COL15A1: variants seen among roughly 807,000 people sequenced by gnomAD.
The protein encoded by COL15A1 is collagen alpha-1(XV) chain.
COL15A1 carries 111 observed loss-of-function variants against 165.9 expected under a neutral mutation model. That is an observed-to-expected ratio of 0.67 (90% CI 0.57 to 0.78). COL15A1 has a LOEUF of 0.78. Among genes scored for constraint, COL15A1 ranks in the 30% least tolerant of loss-of-function variants. The pLI, the probability that COL15A1 is intolerant of heterozygous loss-of-function variation, is 0.00. For missense variants in COL15A1, 1,745 were observed against 1,789.7 expected (o/e 0.98, Z 0.45); for synonymous variants, 659 against 674.8 (o/e 0.98, Z 0.36).
rs144490681 is a variant in COL15A1 at position 98,951,572 on chromosome 9, T to A, written c.100+7322T>A. On this transcript the variant is annotated intron_variant, in intron 2 of 41. Coordinates refer to ENST00000375001, the MANE Select transcript of COL15A1 (RefSeq NM_001855.5). Reference sequence around the variant, plus strand: ...ATAGGCTAGTGCCATTTTTATTCTATTATTATTTTTTGGGACAGGGTCTTC... The same window carrying A: ...ATAGGCTAGTGCCATTTTTATTCTAATATTATTTTTTGGGACAGGGTCTTC... Among the ~76,000 whole-genome samples, 479 of 152,268 alleles carry A rather than the reference T, an allele frequency of 3.1e-3. 2 individuals carry two copies. The highest frequency in any genetic ancestry group is 0.011 in the African/African-American group (437 of 41,550).
chr9:99,000,981 G>C (rs1333175103), intron 7 of COL15A1, 30 bp downstream of exon 7: 2 of 962,144 alleles, frequency 2.1e-6, no homozygotes, highest in African/African-American at 1.6e-5. Context: ...CATTTGATTA[G>C]TCAGTAGTAG....
intron 13 of COL15A1, among the ~76,000 whole-genome samples, chr9:99,022,708 T>C (rs1476852926): frequency 6.6e-6 from 1 of 152,218 alleles, no homozygotes; most frequent in Non-Finnish European, 1.5e-5. Context: ...TCTGGGTGCC[T>C]CTCAGGGGGT....
At chr9:99,022,488 A>G (rs1839044494) in intron 13 of COL15A1, among the ~76,000 whole-genome samples, 1 of 152,172 alleles carries the variant, frequency 6.6e-6, no homozygotes, top group Non-Finnish European at 1.5e-5. Context: ...AACATCCTTG[A>G]GTGGTCCTCT....
chr9:99,065,301 A>G (rs935393000), intron 39 of COL15A1, among the ~76,000 whole-genome samples: 1 of 152,126 alleles, frequency 6.6e-6, no homozygotes, highest in Non-Finnish European at 1.5e-5. Context: ...TCATTCCATC[A>G]AGGCCTCGTG....
intron 2 of COL15A1, among the ~76,000 whole-genome samples, chr9:98,948,616 A>G (rs1354498256): frequency 2.0e-5 from 3 of 151,224 alleles, no homozygotes; most frequent in Non-Finnish European, 3.0e-5. Flanking sequence ...AAAAAAAAAA[A>G]AGAGACACTT....
At chr9:98,960,700 A>G (rs1837851221) in intron 2 of COL15A1, among the ~76,000 whole-genome samples, 2 of 152,178 alleles carry the variant, frequency 1.3e-5, no homozygotes, top group Non-Finnish European at 2.9e-5. Flanking sequence ...CAGTTTCCTC[A>G]TCTGTAGAGT....
intron 10 of COL15A1, 58 bp downstream of exon 10, chr9:99,015,624 C>A: frequency 1.3e-6 from 2 of 1,531,068 alleles, no homozygotes; most frequent in East Asian, 2.3e-5. Flanking sequence ...CTGCATCATG[C>A]GACAACAGTC....
intron 13 of COL15A1, among the ~76,000 whole-genome samples, 183 bp from the exon 14 acceptor site, chr9:99,023,174 G>A (rs780083654): frequency 6.6e-6 from 1 of 152,172 alleles, no homozygotes; most frequent in Non-Finnish European, 1.5e-5. Context: ...GCTGGGAGGC[G>A]GCAAGAGAGA....
intron 3 of COL15A1, among the ~76,000 whole-genome samples, chr9:98,986,674 A>T (rs139455696): frequency 6.6e-6 from 1 of 152,222 alleles, no homozygotes; most frequent in Non-Finnish European, 1.5e-5. Flanking sequence ...AAGTTATTGT[A>T]GTTACTCATT....
chr9:99,034,612 A>C, intron 17 of COL15A1, 28 bp downstream of exon 17: 1 of 1,428,846 alleles, frequency 7.0e-7, no homozygotes, highest in Non-Finnish European at 9.1e-7. Context: ...AAAAAAAAAA[A>C]AAGAACTTTC....
chr9:99,065,565 G>A (rs1825877826), intron 39 of COL15A1, among the ~76,000 whole-genome samples: 1 of 151,246 alleles, frequency 6.6e-6, no homozygotes, highest in African/African-American at 2.4e-5. Flanking sequence ...GGAATGTAGA[G>A]CATAAAATGC....
intron 13 of COL15A1, among the ~76,000 whole-genome samples, chr9:99,022,843 G>A (rs1839051181): frequency 6.6e-6 from 1 of 152,258 alleles, no homozygotes; most frequent in African/African-American, 2.4e-5. Flanking sequence ...TGCCATTCAA[G>A]TATGCACTGA....
rs747297961 is a variant in COL15A1, at chr9:99,035,334, CT to C, written c.2221-14del. On this transcript the variant is annotated splice_polypyrimidine_tract_variant and intron_variant, in intron 18 of 41. Transcript: ENST00000375001. ...AGGAACTGGATCTGAAATTCTCATTCTTGCTCCTTCCCCAGGATACCGAAGG... is the reference window on the plus strand; with the variant it reads ...AGGAACTGGATCTGAAATTCTCATTCTGCTCCTTCCCCAGGATACCGAAGG... 45 of 1,614,058 alleles carry C rather than the reference CT, an allele frequency of 2.8e-5. No homozygotes were observed. Among genetic ancestry groups the C allele is most frequent in the Non-Finnish European group, 3.7e-5 (44 of 1,180,034 alleles).
At chr9:98,944,348 T>A in intron 2 of COL15A1, 98 bp downstream of exon 2, 23 of 1,237,320 alleles carry the variant, frequency 1.9e-5, no homozygotes, top group Non-Finnish European at 2.6e-5. Flanking sequence ...GCCTCATTCC[T>A]GGACATAAAA....
At chr9:99,062,340 A>G (rs568343627) in intron 38 of COL15A1, 36 bp downstream of exon 38, 2 of 1,454,454 alleles carry the variant, frequency 1.4e-6, no homozygotes, top group South Asian at 2.3e-5. Context: ...TCATGCATTC[A>G]TTTATCAGCA....
chr9:99,006,852 G>A (rs1838771185), intron 9 of COL15A1, among the ~76,000 whole-genome samples: 1 of 152,210 alleles, frequency 6.6e-6, no homozygotes. Context: ...CCTAGTTACT[G>A]GAGGTGTATC....
chr9:98,944,298 G>T, intron 2 of COL15A1, 48 bp downstream of exon 2: 3 of 1,579,862 alleles, frequency 1.9e-6, no homozygotes, highest in East Asian at 2.3e-5. Flanking sequence ...CGCGCCCGTG[G>T]GGGAAGTCGG....
intron 22 of COL15A1, among the ~76,000 whole-genome samples, chr9:99,040,233 A>T (rs1034136967): frequency 2.6e-5 from 4 of 152,230 alleles, no homozygotes; most frequent in African/African-American, 7.2e-5. Flanking sequence ...CAGAGAGACT[A>T]AAACCAGAGA....
intron 2 of COL15A1, among the ~76,000 whole-genome samples, chr9:98,950,263 T>C (rs1837658288): frequency 6.6e-6 from 1 of 152,136 alleles, no homozygotes; most frequent in Non-Finnish European, 1.5e-5. Context: ...ACCCCCAAAC[T>C]GTTTTCCACA....
Sources: allele counts gnomAD v4.1 joint callset (sites outside exome capture counted in the v4.1 genomes callset), GRCh38; gene constraint gnomAD v4.1.1; transcripts MANE v1.5; gene names NCBI Gene and HGNC (gene_info 2026-07-23, HGNC 2026-07-21).